The following ELL2 variants were observed in gnomAD, a reference collection of about 807,000 sequenced individuals.
ELL2 encodes elongation factor for RNA polymerase II 2, also known as RNA polymerase II elongation factor ELL2.
A neutral mutation model predicts 72.8 loss-of-function variants in ELL2; 21 were observed. The ratio of observed to expected loss-of-function variants is 0.29; its 90% CI spans 0.20 to 0.42. The LOEUF is 0.42. ELL2 is among the 10% of genes least tolerant of loss of function. The pLI, the probability that ELL2 is intolerant of heterozygous loss-of-function variation, is 1.00. For missense variants in ELL2, 568 were observed against 772.8 expected, an observed-to-expected ratio of 0.73 and a Z score of 3.14; for synonymous variants, 266 against 283.2, an observed-to-expected ratio of 0.94 and a Z score of 0.61.
intron 1 of ELL2, among the ~76,000 whole-genome samples, chr5:95,955,566 G>A (rs780792502): frequency 3.3e-5 from 5 of 152,122 alleles, no homozygotes; most frequent in Non-Finnish European, 5.9e-5. Flanking sequence ...AGCAATCCTC[G>A]CTGGTAACCT....
At chr5:95,919,812 C>A (rs1749977605) in intron 2 of ELL2, among the ~76,000 whole-genome samples, 1 of 152,148 alleles carries the variant, frequency 6.6e-6, no homozygotes, top group Non-Finnish European at 1.5e-5. Context: ...ATAAGAGGAA[C>A]CCTTTTCATT....
intron 1 of ELL2, among the ~76,000 whole-genome samples, chr5:95,952,273 G>A (rs1751441039): frequency 6.6e-6 from 1 of 152,154 alleles, no homozygotes; most frequent in Non-Finnish European, 1.5e-5. Context: ...TGGACATAAA[G>A]AGGGGAATAA....
At chr5:95,911,857 G>T (rs1419403805) in intron 4 of ELL2, among the ~76,000 whole-genome samples, 1 of 152,206 alleles carries the variant, frequency 6.6e-6, no homozygotes, top group African/African-American at 2.4e-5. Flanking sequence ...CTGCTGTGAC[G>T]GTGAGTGGCT....
At chr5:95,913,713 T>C (rs995753159) in intron 4 of ELL2, 58 bp downstream of exon 4, 2 of 1,472,788 alleles carry the variant, frequency 1.4e-6, no homozygotes, top group African/African-American at 1.4e-5. Context: ...TATTTACCTA[T>C]GGTGATCTTG....
Position 95,961,766 on chromosome 5 carries a change from G to A in ELL2, c.-45C>T. ...CGCCGCCGCCGCCGCTCCGGCTCTA[G>A]CCTCCACTGCGGCCGCGGCTGCTTG... On this transcript the variant is annotated 5_prime_UTR_variant, in exon 1 of 12. Coordinates refer to ENST00000237853, the MANE Select transcript of ELL2 (RefSeq NM_012081.6). The A allele has an allele frequency of 3.2e-6, 5 of 1,540,266 alleles. No homozygotes were observed. Among genetic ancestry groups the A allele is most frequent in the Non-Finnish European group, 4.4e-6 (5 of 1,148,442 alleles).
chr5:95,890,529 G>A (rs1213692813), intron 10 of ELL2, among the ~76,000 whole-genome samples: 1 of 152,216 alleles, frequency 6.6e-6, no homozygotes, highest in Non-Finnish European at 1.5e-5. Context: ...GGCATCTCCT[G>A]CTCTTTGTCA....
At chr5:95,961,530 T>A in intron 1 of ELL2, 45 bp downstream of exon 1, 1 of 1,481,128 alleles carries the variant, frequency 6.8e-7, no homozygotes, top group Non-Finnish European at 9.0e-7. Flanking sequence ...CCGTGAGGGG[T>A]GCGCTCTGCC....
chr5:95,919,190 C>T (rs1264444698), intron 3 of ELL2, among the ~76,000 whole-genome samples: 1 of 152,054 alleles, frequency 6.6e-6, no homozygotes, highest in East Asian at 1.9e-4. Context: ...ATCTTCTGTA[C>T]CTTAAAAGCC....
intron 10 of ELL2, among the ~76,000 whole-genome samples, chr5:95,889,361 A>G (rs1748576756): frequency 6.6e-6 from 1 of 152,250 alleles, no homozygotes; most frequent in African/African-American, 2.4e-5. Flanking sequence ...TGAATGACAC[A>G]TATACAAGAT....
rs115625293 is a variant in ELL2 at position 95,894,274 on chromosome 5, T to C, written c.1589+1354A>G. Among the ~76,000 whole-genome samples the C allele has an allele frequency of 4.0e-3, 609 of 152,298 alleles. 4 individuals carry two copies. The highest frequency in any genetic ancestry group is 0.013 in the African/African-American group (530 of 41,548). On this transcript the variant is annotated intron_variant, in intron 9 of 11. Transcript: ENST00000237853. ...AAAAAGGGGGGATTAACTAATGAAC[T>C]TGGCAAAACACAACAGCCTTGAATC... is the stretch of plus-strand genomic sequence containing the variant.
chr5:95,930,188 A>C (rs950288131), intron 2 of ELL2, among the ~76,000 whole-genome samples: 1 of 152,228 alleles, frequency 6.6e-6, no homozygotes, highest in African/African-American at 2.4e-5. Context: ...GAATTCTACA[A>C]GGAAAAAAAA....
Position 95,900,805 on chromosome 5 carries a change from G to A in ELL2, c.867-25C>T, listed in dbSNP as rs1345829362. ...TCTGTAAAGGACACACATGTTATGT[G>A]TTAAGGAGATGATTTAAAAATGTTC... On this transcript the variant is annotated intron_variant, in intron 6 of 11. Transcript: ENST00000237853. The A allele has an allele frequency of 3.2e-6, 5 of 1,584,708 alleles. No homozygotes were observed. In the South Asian group the frequency reaches 5.9e-5, roughly 19 times the overall value.
chr5:95,905,743 T>C (rs1749330918), intron 5 of ELL2, among the ~76,000 whole-genome samples: 1 of 132,972 alleles, frequency 7.5e-6, no homozygotes, highest in Non-Finnish European at 1.6e-5. Context: ...TCAAAACCTG[T>C]AGGGTTTTTT....
At chr5:95,948,386 C>CAA in intron 1 of ELL2, among the ~76,000 whole-genome samples, 1 of 139,768 alleles carries the variant, frequency 7.2e-6, no homozygotes, top group South Asian at 2.3e-4. Context: ...GCCGAGATGG[C>CAA]GCCACAGCAC....
intron 8 of ELL2, among the ~76,000 whole-genome samples, 198 bp downstream of exon 8, chr5:95,898,042 C>T (rs957457022): frequency 7.0e-6 from 1 of 142,000 alleles, no homozygotes; most frequent in Non-Finnish European, 1.5e-5. Flanking sequence ...ATATAGAAAT[C>T]ATGTTTAATA....
At chr5:95,927,484 C>CGT (rs764572569) in intron 2 of ELL2, among the ~76,000 whole-genome samples, 1 of 31,190 alleles carries the variant, frequency 3.2e-5, no homozygotes, top group Non-Finnish European at 5.1e-5. Context: ...CATACACACA[C>CGT]GTGTGTATAT....
At chr5:95,941,100 T>C (rs967363420) in intron 2 of ELL2, among the ~76,000 whole-genome samples, 4 of 152,148 alleles carry the variant, frequency 2.6e-5, no homozygotes, top group African/African-American at 9.7e-5. Flanking sequence ...GGATCAACCA[T>C]CCTATAGCTC....
chr5:95,920,235 A>C (rs917272887), intron 2 of ELL2, among the ~76,000 whole-genome samples: 3 of 151,434 alleles, frequency 2.0e-5, no homozygotes, highest in Non-Finnish European at 2.9e-5. Context: ...AGGAAGATGT[A>C]TTTTCTTTGT....
chr5:95,951,434 C>T (rs940164961), intron 1 of ELL2, among the ~76,000 whole-genome samples: 2 of 151,664 alleles, frequency 1.3e-5, no homozygotes, highest in African/African-American at 4.9e-5. Flanking sequence ...CATAGTATTC[C>T]ACCATTTTTT....
Sources: gnomAD v4.1 joint callset for allele counts (sites outside exome capture counted in the v4.1 genomes callset) on GRCh38, gnomAD v4.1.1 for gene constraint, MANE v1.5 for transcripts, NCBI Gene and HGNC (gene_info 2026-07-23, HGNC 2026-07-21) for gene names.